DPP10: variants seen among roughly 807,000 people sequenced by gnomAD.
DPP10 encodes inactive dipeptidyl peptidase 10.
A neutral mutation model predicts 120.9 loss-of-function variants in DPP10; 33 were observed. That is an observed-to-expected ratio of 0.27 (90% CI 0.21 to 0.37). The LOEUF (loss-of-function observed/expected upper bound fraction) is 0.37. DPP10 is among the 10% of genes least tolerant of loss of function. The probability of loss-of-function intolerance (pLI) is 1.00; values close to 1 mark genes in which losing one functional copy is unlikely to be tolerated. For synonymous variants in DPP10, 337 were observed against 326.1 expected, an observed-to-expected ratio of 1.03 and a Z score of -0.36; for missense variants, 816 against 942.8, an observed-to-expected ratio of 0.87 and a Z score of 1.76.
intron 7 of DPP10, among the ~76,000 whole-genome samples, chr2:115,704,272 GT>G (rs1444425723): frequency 6.6e-6 from 1 of 151,514 alleles, no homozygotes; most frequent in Non-Finnish European, 1.5e-5. Context: ...AAAAGTCTTT[GT>G]TAAATACTTT....
intron 1 of DPP10, among the ~76,000 whole-genome samples, chr2:114,894,275 C>A (rs950747896): frequency 2.0e-5 from 3 of 152,172 alleles, no homozygotes; most frequent in African/African-American, 7.2e-5. Context: ...TGTCAGACTA[C>A]AAGGTGCATT....
intron 1 of DPP10, among the ~76,000 whole-genome samples, chr2:114,526,635 T>G (rs908343656): frequency 1.3e-5 from 2 of 152,134 alleles, no homozygotes; most frequent in African/African-American, 4.8e-5. Context: ...TATGGCAGAT[T>G]TAGTGCCTGG....
intron 11 of DPP10, among the ~76,000 whole-genome samples, chr2:115,760,722 A>G (rs1254949545): frequency 6.6e-6 from 1 of 152,188 alleles, no homozygotes; most frequent in Non-Finnish European, 1.5e-5. Flanking sequence ...TGGCTAGATT[A>G]TAGATTGACT....
intron 1 of DPP10, among the ~76,000 whole-genome samples, chr2:115,001,212 C>A (rs1221244354): frequency 6.6e-6 from 1 of 152,074 alleles, no homozygotes; most frequent in Non-Finnish European, 1.5e-5. Context: ...TAATAAACAG[C>A]AGTTAGATTT....
chr2:114,450,919 A>G (rs896121729), intron 1 of DPP10, among the ~76,000 whole-genome samples: 2 of 152,064 alleles, frequency 1.3e-5, no homozygotes, highest in African/African-American at 2.4e-5. Context: ...GAGGCTTTTT[A>G]TAATCAGAAA....
At chr2:115,387,122 T>C (rs1038409948) in intron 3 of DPP10, among the ~76,000 whole-genome samples, 1 of 152,008 alleles carries the variant, frequency 6.6e-6, no homozygotes, top group African/African-American at 2.4e-5. Flanking sequence ...TTATGAACAT[T>C]TTCCTCCTTT....
chr2:115,610,271 T>C (rs1399878203), intron 5 of DPP10, among the ~76,000 whole-genome samples: 2 of 152,084 alleles, frequency 1.3e-5, no homozygotes, highest in Non-Finnish European at 2.9e-5. Context: ...ATATGGCGGC[T>C]GCATTTCCCC....
At chr2:114,554,772 G>A (rs1303608144) in intron 1 of DPP10, among the ~76,000 whole-genome samples, 1 of 152,190 alleles carries the variant, frequency 6.6e-6, no homozygotes, top group Non-Finnish European at 1.5e-5. Flanking sequence ...AAGGTTTTCA[G>A]TGCACCTTAA....
chr2:115,742,913 A>C (rs1238360539), intron 9 of DPP10, among the ~76,000 whole-genome samples: 1 of 152,086 alleles, frequency 6.6e-6, no homozygotes, highest in Non-Finnish European at 1.5e-5. Flanking sequence ...TTAATTCAGC[A>C]TGATTCAGAA....
At chr2:115,718,756 C>A (rs919390672) in intron 7 of DPP10, among the ~76,000 whole-genome samples, 3 of 151,908 alleles carry the variant, frequency 2.0e-5, no homozygotes, top group Admixed American at 6.6e-5. Flanking sequence ...CAGGGCCTAG[C>A]ACATAGGAGG....
At chr2:115,162,050 C>T in intron 1 of DPP10, 8 of 1,426,900 alleles carry the variant, frequency 5.6e-6, no homozygotes, top group Middle Eastern at 2.6e-4. Context: ...CAGCCGCGGC[C>T]AGGCCCTCCC....
intron 1 of DPP10, among the ~76,000 whole-genome samples, chr2:114,852,626 C>T (rs998835794): frequency 1.3e-5 from 2 of 151,806 alleles, no homozygotes; most frequent in Non-Finnish European, 2.9e-5. Context: ...GTTTCCGCGG[C>T]GGGGGCGGGG....
At chr2:115,583,799 T>C (rs1209451954) in intron 5 of DPP10, among the ~76,000 whole-genome samples, 5 of 152,192 alleles carry the variant, frequency 3.3e-5, no homozygotes, top group Non-Finnish European at 5.9e-5. Flanking sequence ...ACATTTCATG[T>C]AGTTCTACTC....
At position 115,772,853 on chromosome 2, in the gene DPP10, C is replaced by T. The variant is rs180878298; in HGVS notation, c.1222-4355C>T. On this transcript the variant is annotated intron_variant, in intron 13 of 25. Transcript: ENST00000410059. ...AAGCAGAATTTTCATTGTGTTCAGTCGTTCAGATTCATAGGCGTAAGGAAT... is the reference window on the plus strand; with the variant it reads ...AAGCAGAATTTTCATTGTGTTCAGTTGTTCAGATTCATAGGCGTAAGGAAT... 1.5e-3 allele frequency among the ~76,000 whole-genome samples: 223 copies of T among 152,178 alleles called. 1 individual carries two copies. The highest frequency in any genetic ancestry group is 3.4e-3 in the Middle Eastern group (1 of 294).
At chr2:115,048,694 A>G (rs1220473899) in intron 1 of DPP10, among the ~76,000 whole-genome samples, 3 of 152,106 alleles carry the variant, frequency 2.0e-5, no homozygotes, top group Admixed American at 2.0e-4. Flanking sequence ...TCCATTTTAC[A>G]TAACAGTGCA....
At chr2:114,493,831 C>T (rs373610729) in intron 1 of DPP10, among the ~76,000 whole-genome samples, 2 of 152,134 alleles carry the variant, frequency 1.3e-5, no homozygotes, top group African/African-American at 2.4e-5. Context: ...AGGCCATGAA[C>T]GATGGTAAAA....
rs952713436 is a variant in DPP10 at position 115,845,200 on chromosome 2, A to G, written c.*2855A>G. On this transcript the variant is annotated 3_prime_UTR_variant, in exon 26 of 26. Coordinates refer to ENST00000410059, the MANE Select transcript of DPP10 (RefSeq NM_020868.6). ...CTTTCAAGTCTCTAGAATCACTGAC[A>G]GCACATAGCTTCTATGAGGAGTTAT... 1 of 152,210 alleles carries G rather than the reference A, an allele frequency of 6.6e-6. No individual in the cohort carries two copies. The highest frequency in any genetic ancestry group is 1.5e-5 in the Non-Finnish European group (1 of 68,022). 9.4% of individuals were successfully genotyped at this position (152,210 alleles called of 1,614,324 possible).
intron 1 of DPP10, among the ~76,000 whole-genome samples, chr2:115,032,748 A>T: frequency 6.6e-6 from 1 of 151,602 alleles, no homozygotes; most frequent in East Asian, 2.0e-4. Context: ...AGCTGAGTGC[A>T]GTGGCAGGCG....
rs13428371 is a variant in DPP10, at chr2:115,102,705, G to A, written c.61-206534G>A. ...ATTAGAGGCGTGAGCCACCACGCCC[G>A]GCCATGGGGGAGTTTTGGTACAGAT... On this transcript the variant is annotated intron_variant, in intron 1 of 25. Transcript: ENST00000410059. Among the ~76,000 whole-genome samples the A allele has an allele frequency of 1.1e-3, 171 of 152,000 alleles. 1 individual carries two copies. Among genetic ancestry groups the A allele is most frequent in the African/African-American group, 3.3e-3 (137 of 41,456 alleles).
Sources: gnomAD v4.1 joint callset for allele counts (sites outside exome capture counted in the v4.1 genomes callset) on GRCh38, gnomAD v4.1.1 for gene constraint, MANE v1.5 for transcripts, NCBI Gene and HGNC (gene_info 2026-07-23, HGNC 2026-07-21) for gene names.